Variants in B4GALT5 observed in about 807,000 individuals in gnomAD.
B4GALT5 encodes UDP-Gal:beta-GlcNAc beta-1,4-galactosyltransferase 5.
In B4GALT5, 11 loss-of-function variants were observed where a neutral mutation model predicts 45.0. The ratio of observed to expected loss-of-function variants is 0.24; its 90% CI spans 0.15 to 0.40. B4GALT5 has a LOEUF of 0.40. Ranked by LOEUF, B4GALT5 falls within the 10% of genes least tolerant of loss-of-function variation. B4GALT5 has a pLI of 1.00. For missense variants in B4GALT5, 337 were observed against 500.2 expected (o/e 0.67, Z 3.11); for synonymous variants, 185 against 182.9 (o/e 1.01, Z -0.09).
chr20:49,700,267 T>TACAACA (rs202192878), intron 1 of B4GALT5, among the ~76,000 whole-genome samples: 1 of 152,178 alleles, frequency 6.6e-6, no homozygotes, highest in Non-Finnish European at 1.5e-5. Flanking sequence ...CAATTTGGTT[T>TACAACA]ACAACAACAA....
intron 1 of B4GALT5, among the ~76,000 whole-genome samples, chr20:49,687,999 C>T (rs1381440784): frequency 1.3e-5 from 2 of 152,018 alleles, no homozygotes; most frequent in Non-Finnish European, 2.9e-5. Context: ...CAATATGCCA[C>T]AACTGCTTTG....
chr20:49,662,663 A>T (rs2085669973), intron 1 of B4GALT5, among the ~76,000 whole-genome samples: 3 of 152,186 alleles, frequency 2.0e-5, no homozygotes, highest in African/African-American at 7.2e-5. Context: ...TGTTCCTAAG[A>T]AAAGCTCAGT....
rs536097229 is a variant in B4GALT5 at position 49,636,595 on chromosome 20, G to A, written c.1020-136C>T. ...CTTCTGCAGCACAAGGTGGGCGCAC[G>A]GCCAATTCTGCTATGCCAGGCTGAG... On this transcript the variant is annotated intron_variant, in intron 8 of 8. Coordinates refer to ENST00000371711, the MANE Select transcript of B4GALT5 (RefSeq NM_004776.4). 33 of 940,868 alleles carry A rather than the reference G, an allele frequency of 3.5e-5. No homozygotes were observed. The South Asian group carries it at 3.7e-4, about 11-fold the overall frequency. The allele number at this position is 940,868 out of a possible 1,614,324, so 58.3% of individuals were successfully genotyped here. A position where few individuals can be genotyped will look rare whatever the true frequency, so the allele number is the denominator to read the frequency against.
chr20:49,636,245 CA>C lies in B4GALT5; in HGVS notation c.*66del, dbSNP rs570351363. ...CTTGCTGTGTAGACCCTCCCCCCTC[CA>C]AAAAAAAATCTCATCGGACTGCTTT... is the stretch of plus-strand genomic sequence containing the variant. On this transcript the variant is annotated 3_prime_UTR_variant, in exon 9 of 9. Transcript: ENST00000371711. The C allele has an allele frequency of 1.7e-4, 264 of 1,549,920 alleles. No homozygotes were observed. The highest frequency in any genetic ancestry group is 5.2e-4 in the Middle Eastern group (3 of 5,790).
chr20:49,650,456 TAAAAA>T (rs141588605), intron 2 of B4GALT5, among the ~76,000 whole-genome samples: 59,486 of 128,396 alleles, frequency 0.46, 13,707 homozygotes, highest in South Asian at 0.63. Flanking sequence ...CCATCTCTGC[TAAAAA>T]AAAAAAAAAA....
intron 1 of B4GALT5, among the ~76,000 whole-genome samples, chr20:49,709,501 G>A (rs2146364340): frequency 6.6e-6 from 1 of 152,272 alleles, no homozygotes; most frequent in East Asian, 1.9e-4. Context: ...GCCAGGCACG[G>A]TGGCTCACGC....
chr20:49,712,134 TCC>T (rs960984613), intron 1 of B4GALT5, among the ~76,000 whole-genome samples: 2 of 152,226 alleles, frequency 1.3e-5, no homozygotes, highest in Non-Finnish European at 2.9e-5. Flanking sequence ...TCCACCTAAC[TCC>T]CTTCTTCCTG....
chr20:49,639,579 A>G, intron 7 of B4GALT5, 99 bp downstream of exon 7: 1 of 1,498,568 alleles, frequency 6.7e-7, no homozygotes, highest in Non-Finnish European at 9.0e-7. Context: ...AGAACATGTT[A>G]AATTACACAC....
chr20:49,712,007 T>C lies in B4GALT5; in HGVS notation c.115+1569A>G, dbSNP rs541693543. 3.3e-5 allele frequency among the ~76,000 whole-genome samples: 5 copies of C among 152,298 alleles called. No individual in the cohort carries two copies. The South Asian group carries it at 1.0e-3, about 32-fold the overall frequency. On this transcript the variant is annotated intron_variant, in intron 1 of 8. Coordinates refer to ENST00000371711, the MANE Select transcript of B4GALT5 (RefSeq NM_004776.4). ...TAAAATCCATATAATCCAAAATTTT[T>C]CTAGCAGAATTTACTCTCCCTGCCC... is the stretch of plus-strand genomic sequence containing the variant.
At position 49,636,352 on chromosome 20, in the gene B4GALT5, A is replaced by G; in HGVS notation, c.1127T>C (p.Val376Ala). The G allele has an allele frequency of 6.2e-7, 1 of 1,613,992 alleles. No homozygotes were observed. Among genetic ancestry groups the G allele is most frequent in the South Asian group, 1.1e-5 (1 of 91,046 alleles). The change falls in exon 9 of 9, where the codon GTC (valine) becomes GCC (alanine). Residue 376 changes from valine to alanine, a missense_variant. By Grantham distance (64) the Val-to-Ala change is moderately conservative. Coordinates refer to ENST00000371711, the MANE Select transcript of B4GALT5 (RefSeq NM_004776.4). ...CTGAGCCAGCTCGGGTGTCAGGTTGACAGTTATGTTTTTATACAAGGCGTC... is the reference window on the plus strand; with the variant it reads ...CTGAGCCAGCTCGGGTGTCAGGTTGGCAGTTATGTTTTTATACAAGGCGTC... ...TYDALYKNITVNLTPELAQVN... is the reference protein window; with the variant it reads ...TYDALYKNITANLTPELAQVN...
Position 49,663,690 on chromosome 20 carries a change from A to AAAATAT in B4GALT5, c.116-6989_116-6988insATATTT, listed in dbSNP as rs1555812124. Among the ~76,000 whole-genome samples, 31 of 96,934 alleles carry AAAATAT rather than the reference A, an allele frequency of 3.2e-4. 1 individual carries two copies. Among genetic ancestry groups the AAAATAT allele is most frequent in the African/African-American group, 1.1e-3 (25 of 22,428 alleles). The allele number at this position is 96,934 out of a possible 152,430, so 63.6% of individuals were successfully genotyped here. ...TTCATCTCAAGAAAAAAAAAAAAAAAATATATACATATATATATATATATA... is the reference window on the plus strand; with the variant it reads ...TTCATCTCAAGAAAAAAAAAAAAAAAAAATATATATATACATATATATATATATATA... On this transcript the variant is annotated intron_variant, in intron 1 of 8. Transcript: ENST00000371711.
intron 1 of B4GALT5, among the ~76,000 whole-genome samples, chr20:49,666,884 G>A (rs2146342256): frequency 6.6e-6 from 1 of 152,196 alleles, no homozygotes; most frequent in East Asian, 1.9e-4. Flanking sequence ...GGTAAAGAAA[G>A]AATCTGCTTA....
chr20:49,650,132 C>G (rs917000542), intron 2 of B4GALT5, among the ~76,000 whole-genome samples: 1 of 152,092 alleles, frequency 6.6e-6, no homozygotes, highest in African/African-American at 2.4e-5. Context: ...TTCCTTTCTA[C>G]TTCCTTCAAA....
At chr20:49,693,672 C>T (rs1410750957) in intron 1 of B4GALT5, among the ~76,000 whole-genome samples, 2 of 152,216 alleles carry the variant, frequency 1.3e-5, no homozygotes, top group African/African-American at 4.8e-5. Context: ...AACAAGCTTA[C>T]TTTCGCCACC....
chr20:49,658,072 G>T (rs1022126136), intron 1 of B4GALT5, among the ~76,000 whole-genome samples: 1 of 152,204 alleles, frequency 6.6e-6, no homozygotes, highest in Non-Finnish European at 1.5e-5. Context: ...TTTCCGAAAT[G>T]AGGGAGCAGT....
At chr20:49,688,140 C>T (rs185211741) in intron 1 of B4GALT5, among the ~76,000 whole-genome samples, 22 of 152,090 alleles carry the variant, frequency 1.4e-4, no homozygotes, top group Non-Finnish European at 2.2e-4. Flanking sequence ...ATGTCTCAGG[C>T]CTGAAGAAAG....
chr20:49,670,312 T>C (rs4810970), intron 1 of B4GALT5, among the ~76,000 whole-genome samples: 71,128 of 152,108 alleles, frequency 0.47, 17,605 homozygotes, highest in South Asian at 0.65. Flanking sequence ...TAAGAACATG[T>C]ATCAGGCTAA....
At chr20:49,665,574 G>C (rs1267835453) in intron 1 of B4GALT5, among the ~76,000 whole-genome samples, 1 of 150,946 alleles carries the variant, frequency 6.6e-6, no homozygotes, top group Non-Finnish European at 1.5e-5. Flanking sequence ...GTTACAAACT[G>C]TAATTCAGAC....
At chr20:49,706,842 T>C (rs925105697) in intron 1 of B4GALT5, among the ~76,000 whole-genome samples, 2 of 152,180 alleles carry the variant, frequency 1.3e-5, no homozygotes, top group African/African-American at 4.8e-5. Context: ...GGTTTTTCTT[T>C]GCCTTATGTG....
Sources: gnomAD v4.1 joint callset for allele counts (sites outside exome capture counted in the v4.1 genomes callset) on GRCh38, gnomAD v4.1.1 for gene constraint, MANE v1.5 for transcripts, NCBI Gene and HGNC (gene_info 2026-07-23, HGNC 2026-07-21) for gene names.